ARHGEF18: variants seen among roughly 807,000 people sequenced by gnomAD.
ARHGEF18 encodes rho guanine nucleotide exchange factor 18.
Under a neutral mutation model 155.7 loss-of-function variants are expected in ARHGEF18, and 93 were observed. The observed-to-expected ratio is 0.60, with a 90% confidence interval of 0.50 to 0.71. The LOEUF is 0.71. ARHGEF18 is among the 30% of genes least tolerant of loss of function. The pLI is 0.00. For missense variants in ARHGEF18, 1,593 were observed against 1,816.1 expected, an observed-to-expected ratio of 0.88 and a Z score of 2.23; for synonymous variants, 742 against 753.1, an observed-to-expected ratio of 0.99 and a Z score of 0.24.
chr19:7,472,490 C>T (rs376809915), downstream of ARHGEF18: 258 of 162,698 alleles, frequency 1.6e-3, 4 homozygotes, highest in East Asian at 3.4e-4. Context: ...CGGTGACTGG[C>T]GTGCACGTTC....
chr19:7,474,253 C>T (rs1334238252), downstream of ARHGEF18, among the ~76,000 whole-genome samples: 2 of 151,304 alleles, frequency 1.3e-5, no homozygotes, highest in South Asian at 2.1e-4. Context: ...GCAAGAGAAG[C>T]GGTTGAACCC....
chr19:7,453,807 C>A, intron 17 of ARHGEF18, 92 bp downstream of exon 17: 1 of 1,425,990 alleles, frequency 7.0e-7, no homozygotes, highest in Non-Finnish European at 9.2e-7. Flanking sequence ...AGATTAGTGG[C>A]ACCATCTTGT....
intron 1 of ARHGEF18, among the ~76,000 whole-genome samples, chr19:7,352,181 T>C (rs79641124): frequency 0.015 from 2,293 of 152,184 alleles, 21 homozygotes; most frequent in Middle Eastern, 0.037. Context: ...TTTTCCTCCA[T>C]AGAGCGTTTA....
intron 10 of ARHGEF18, among the ~76,000 whole-genome samples, chr19:7,439,129 C>G (rs1974461309): frequency 1.3e-5 from 2 of 151,960 alleles, no homozygotes; most frequent in Admixed American, 1.3e-4. Context: ...GTGATCAACC[C>G]ACCTCGGCCT....
intron 1 of ARHGEF18, among the ~76,000 whole-genome samples, chr19:7,352,062 G>C (rs551962070): frequency 6.6e-6 from 1 of 152,030 alleles, no homozygotes; most frequent in African/African-American, 2.4e-5. Flanking sequence ...GTTTCTTCTT[G>C]TTTTTTGGTC....
intron 10 of ARHGEF18, among the ~76,000 whole-genome samples, chr19:7,403,146 T>C (rs1428763482): frequency 6.6e-6 from 1 of 152,150 alleles, no homozygotes; most frequent in Non-Finnish European, 1.5e-5. Flanking sequence ...CCCAAGTAGC[T>C]GGGGCTACAG....
chr19:7,399,827 C>A (rs4804581), intron 10 of ARHGEF18, among the ~76,000 whole-genome samples: 30,022 of 149,458 alleles, frequency 0.2, 3,585 homozygotes, highest in Non-Finnish European at 0.26. Context: ...GGCTGGAGAG[C>A]AGTGGTACGA....
intron 7 of ARHGEF18, 67 bp downstream of exon 7, chr19:7,379,233 G>A (rs1263134060): frequency 1.1e-5 from 13 of 1,203,596 alleles, no homozygotes; most frequent in Non-Finnish European, 1.3e-5. Flanking sequence ...GCATGCAGGG[G>A]TGTGCACAGG....
At chr19:7,469,866 C>A in intron 27 of ARHGEF18, 38 bp from the exon 28 acceptor site, 1 of 1,602,540 alleles carries the variant, frequency 6.2e-7, no homozygotes, top group Middle Eastern at 1.7e-4. Context: ...GGACAGCTGG[C>A]CAGCCTGGAG....
chr19:7,355,327 C>G (rs759632383), intron 1 of ARHGEF18, among the ~76,000 whole-genome samples: 1 of 151,964 alleles, frequency 6.6e-6, no homozygotes, highest in Non-Finnish European at 1.5e-5. Context: ...CCAGGCTCCC[C>G]GAGGGACCCA....
intron 1 of ARHGEF18, among the ~76,000 whole-genome samples, chr19:7,360,531 C>T (rs1004159711): frequency 5.9e-5 from 9 of 152,186 alleles, no homozygotes; most frequent in African/African-American, 1.4e-4. Flanking sequence ...CCACTGGGCC[C>T]GGCCAACCCT....
chr19:7,410,950 C>A (rs1972640349), intron 10 of ARHGEF18, among the ~76,000 whole-genome samples: 1 of 151,512 alleles, frequency 6.6e-6, no homozygotes, highest in African/African-American at 2.4e-5. Context: ...TTTGCTGGGA[C>A]CTCTTATACT....
intron 10 of ARHGEF18, among the ~76,000 whole-genome samples, chr19:7,420,545 G>A (rs762163227): frequency 1.3e-5 from 2 of 152,134 alleles, no homozygotes; most frequent in Non-Finnish European, 2.9e-5. Context: ...GAGCCCCCAC[G>A]CCGGGCCTGT....
rs1335500778 is a variant in ARHGEF18, at chr19:7,467,403, C to G, written c.3199C>G (p.Gln1067Glu). The G allele has an allele frequency of 2.0e-6, 3 of 1,532,610 alleles. No homozygotes were observed. The African/African-American group carries it at 4.1e-5, about 21-fold the overall frequency. The allele number at this position is 1,532,610 out of a possible 1,614,324, so 94.9% of individuals were successfully genotyped here. A position where few individuals can be genotyped will look rare whatever the true frequency, so the allele number is the denominator to read the frequency against. Residue 1067 changes from glutamine to glutamate, a missense_variant, in exon 26 of 29, where the codon CAG (glutamine) becomes GAG (glutamate). Transcript: ENST00000668164. ...GCTGCAGAGCCAGCTGCGGCACGAG[C>G]AGCAGCGCTGGGAGCGCGAGCGCCA... ...EKLQSQLRHEQQRWERERQWQ... is the reference protein window; with the variant it reads ...EKLQSQLRHEEQRWERERQWQ...
chr19:7,459,348 G>A (rs535897403), intron 19 of ARHGEF18, among the ~76,000 whole-genome samples: 11 of 152,242 alleles, frequency 7.2e-5, no homozygotes, highest in African/African-American at 2.4e-4. Context: ...GGCCTCCCAA[G>A]TAGCTTGAAC....
chr19:7,464,044 T>TTTG lies in ARHGEF18; in HGVS notation c.2773+99_2773+101dup, dbSNP rs928132246. 78 of 1,442,584 alleles carry TTTG rather than the reference T, an allele frequency of 5.4e-5. No homozygotes were observed. In the African/African-American group the frequency reaches 9.4e-4, roughly 17 times the overall value. 89.4% of individuals were successfully genotyped at this position (1,442,584 alleles called of 1,614,324 possible). ...TATGGGGTTTCCTAGAACTTTCTTT[T>TTTG]TTGTTGTTGTTGAGACAGAGTCTTG... On this transcript the variant is annotated intron_variant, in intron 22 of 28. Transcript: ENST00000668164.
chr19:7,407,532 C>T (rs116839860), intron 10 of ARHGEF18, among the ~76,000 whole-genome samples: 1,705 of 152,142 alleles, frequency 0.011, 36 homozygotes, highest in African/African-American at 0.038. Context: ...CTTTGCACAG[C>T]GAATCCACTT....
chr19:7,473,761 G>T (rs28693841), downstream of ARHGEF18, among the ~76,000 whole-genome samples: 2,507 of 144,660 alleles, frequency 0.017, 54 homozygotes, highest in East Asian at 0.076. Context: ...GGTGAGCCGA[G>T]ATTGCGCCAC....
rs1971637236 is a variant in ARHGEF18 at position 7,395,336 on chromosome 19, C to T, written c.967+12133C>T. ...CAGGGGGTGGCCTGGGGCGCGGGAC[C>T]CCCGGGGCTGCCTCGGGCCTCCCGC... On this transcript the variant is annotated intron_variant, in intron 10 of 28. Transcript: ENST00000668164. The surrounding 1 kb of genome is among the most constrained non-coding windows in gnomAD (Gnocchi z 5.0). 6 of 983,768 alleles carry T rather than the reference C, an allele frequency of 6.1e-6. No homozygotes were observed. Among genetic ancestry groups the T allele is most frequent in the Middle Eastern group, 5.2e-4 (1 of 1,914 alleles). The allele number at this position is 983,768 out of a possible 1,614,324, so 60.9% of individuals were successfully genotyped here. A position where few individuals can be genotyped will look rare whatever the true frequency, so the allele number is the denominator to read the frequency against.
Sources: allele counts gnomAD v4.1 joint callset (sites outside exome capture counted in the v4.1 genomes callset), GRCh38; gene constraint gnomAD v4.1.1; non-coding constraint Gnocchi (gnomAD v3.1); transcripts MANE v1.5; gene names NCBI Gene and HGNC (gene_info 2026-07-23, HGNC 2026-07-21).